Variants in EXOC6B observed in about 807,000 individuals in gnomAD.
EXOC6B encodes SEC15 homolog B.
Under a neutral mutation model 113.5 loss-of-function variants are expected in EXOC6B, and 54 were observed. That is an observed-to-expected ratio of 0.48 (90% CI 0.38 to 0.60). The LOEUF (loss-of-function observed/expected upper bound fraction) is 0.60, where lower values mean the gene tolerates loss of function less well. EXOC6B is among the 20% of genes least tolerant of loss of function. The pLI, the probability that EXOC6B is intolerant of heterozygous loss-of-function variation, is 0.00. For missense variants in EXOC6B, 797 were observed against 977.5 expected, an observed-to-expected ratio of 0.82 and a Z score of 2.46; for synonymous variants, 357 against 339.0, an observed-to-expected ratio of 1.05 and a Z score of -0.58.
intron 6 of EXOC6B, among the ~76,000 whole-genome samples, chr2:72,583,216 C>T (rs771516331): frequency 1.3e-5 from 2 of 152,066 alleles, no homozygotes; most frequent in African/African-American, 2.4e-5. Flanking sequence ...GTAAAACAAC[C>T]AAACCTATGA....
intron 18 of EXOC6B, among the ~76,000 whole-genome samples, chr2:72,415,817 A>T (rs1344376836): frequency 6.6e-6 from 1 of 152,136 alleles, no homozygotes; most frequent in Non-Finnish European, 1.5e-5. Context: ...GCAGTAATGG[A>T]TTTATTTACA....
intron 8 of EXOC6B, among the ~76,000 whole-genome samples, chr2:72,553,809 C>T (rs1336337553): frequency 1.3e-5 from 2 of 152,006 alleles, no homozygotes; most frequent in African/African-American, 4.8e-5. Context: ...TAAGCTTGTA[C>T]TAACTTGTTA....
At position 72,495,416 on chromosome 2, in the gene EXOC6B, A is replaced by G; in HGVS notation, c.1553+14T>C. ...TCTTAGCATTGGTTACATTTCTACT[A>G]TTTTGTATTATACCTTAGATGAAGA... On this transcript the variant is annotated intron_variant, in intron 15 of 21. Transcript: ENST00000272427. The G allele has an allele frequency of 7.4e-7, 1 of 1,355,952 alleles. No homozygotes were observed. Among genetic ancestry groups the G allele is most frequent in the East Asian group, 2.3e-5 (1 of 42,936 alleles). The allele number at this position is 1,355,952 out of a possible 1,614,324, so 84.0% of individuals were successfully genotyped here.
chr2:72,619,726 AG>A (rs1671630287), intron 6 of EXOC6B, among the ~76,000 whole-genome samples: 1 of 152,328 alleles, frequency 6.6e-6, no homozygotes, highest in African/African-American at 2.4e-5. Context: ...TCCTATGAAA[AG>A]GGTAAGTGAG....
At chr2:72,456,526 GCAAT>G (rs1040981973) in intron 18 of EXOC6B, among the ~76,000 whole-genome samples, 7 of 152,142 alleles carry the variant, frequency 4.6e-5, no homozygotes, top group African/African-American at 1.7e-4. Context: ...TCCATAGTTG[GCAAT>G]CAATCTAATA....
At chr2:72,533,611 C>T (rs1702131439) in intron 8 of EXOC6B, among the ~76,000 whole-genome samples, 1 of 152,118 alleles carries the variant, frequency 6.6e-6, no homozygotes, top group Admixed American at 6.6e-5. Flanking sequence ...TGTCTTTCTC[C>T]AGGTCCTTGT....
In EXOC6B at chr2:72,379,710, G is replaced by A. The variant is rs778934823; in HGVS notation, c.2122+19C>T. On this transcript the variant is annotated intron_variant, in intron 19 of 21. Transcript: ENST00000272427. ...TTTGCTGGTAAGATAAACAAGCACAGGGATGGTCACTGTCTTACGTTCACA... is the reference window on the plus strand; with the variant it reads ...TTTGCTGGTAAGATAAACAAGCACAAGGATGGTCACTGTCTTACGTTCACA... 77 of 1,597,150 alleles carry A rather than the reference G, an allele frequency of 4.8e-5. No homozygotes were observed. The highest frequency in any genetic ancestry group is 6.4e-5 in the Non-Finnish European group (75 of 1,169,568).
At chr2:72,824,499 G>A (rs1686782219) in intron 1 of EXOC6B, among the ~76,000 whole-genome samples, 2 of 152,182 alleles carry the variant, frequency 1.3e-5, no homozygotes, top group Admixed American at 1.3e-4. Flanking sequence ...GGGTGGTACT[G>A]GCAGAAATGT....
At chr2:72,249,457 G>A (rs1180142453) in intron 20 of EXOC6B, among the ~76,000 whole-genome samples, 10 of 151,670 alleles carry the variant, frequency 6.6e-5, no homozygotes, top group South Asian at 2.1e-4. Context: ...GGGTTTCACC[G>A]TGTTAGCCAG....
chr2:72,576,282 ATAAAGGGTTT>A (rs1399105450), intron 6 of EXOC6B, among the ~76,000 whole-genome samples: 2 of 152,102 alleles, frequency 1.3e-5, no homozygotes, highest in Admixed American at 6.6e-5. Flanking sequence ...AAGCAGGGTT[ATAAAGGGTTT>A]TAAAGGGTTT....
chr2:72,698,713 T>C (rs945812033), intron 6 of EXOC6B, among the ~76,000 whole-genome samples: 3 of 152,192 alleles, frequency 2.0e-5, no homozygotes, highest in African/African-American at 7.2e-5. Context: ...AAATGAAATA[T>C]AGGTCAATTT....
At chr2:72,540,358 C>CA in intron 8 of EXOC6B, among the ~76,000 whole-genome samples, 1 of 151,708 alleles carries the variant, frequency 6.6e-6, no homozygotes, top group East Asian at 1.9e-4. Context: ...AGGAGAGTAC[C>CA]AAAAAAACTC....
chr2:72,537,453 CAAAA>C (rs74620661), intron 8 of EXOC6B, among the ~76,000 whole-genome samples: 5 of 74,196 alleles, frequency 6.7e-5, no homozygotes, highest in African/African-American at 2.3e-4. Context: ...ACAAAAAATA[CAAAA>C]AAAAAAAAAA....
intron 6 of EXOC6B, among the ~76,000 whole-genome samples, chr2:72,650,660 G>A (rs549515166): frequency 6.6e-6 from 1 of 151,304 alleles, no homozygotes; most frequent in Admixed American, 6.6e-5. Flanking sequence ...AAGAAAAGAG[G>A]TAAAAGACAT....
intron 20 of EXOC6B, among the ~76,000 whole-genome samples, chr2:72,226,452 G>C (rs765800055): frequency 6.6e-6 from 1 of 152,088 alleles, no homozygotes; most frequent in Non-Finnish European, 1.5e-5. Context: ...AAAAAACAGA[G>C]CGAAAAAGAC....
rs570406356 is a variant in EXOC6B, at chr2:72,653,606, C to A, written c.669+64497G>T. ...AAAAAATATTGCCAGCAACCCCCCC[C>A]CAAAAAGAAAGAAAGAAAGAAAATA... On this transcript the variant is annotated intron_variant, in intron 6 of 21. Transcript: ENST00000272427. Among the ~76,000 whole-genome samples, 26 of 145,588 alleles carry A rather than the reference C, an allele frequency of 1.8e-4. 2 individuals carry two copies. Among genetic ancestry groups the A allele is most frequent in the Middle Eastern group, 3.5e-3 (1 of 284 alleles).
At chr2:72,554,510 A>AT (rs1703423604) in intron 8 of EXOC6B, among the ~76,000 whole-genome samples, 1 of 151,944 alleles carries the variant, frequency 6.6e-6, no homozygotes, top group Non-Finnish European at 1.5e-5. Flanking sequence ...TAAAATGGCA[A>AT]TTTTTCCTGT....
At chr2:72,275,132 C>T (rs769632927) in intron 20 of EXOC6B, among the ~76,000 whole-genome samples, 3 of 152,030 alleles carry the variant, frequency 2.0e-5, no homozygotes, top group African/African-American at 7.2e-5. Flanking sequence ...TCAATTTCGT[C>T]GATTATGTGA....
intron 18 of EXOC6B, among the ~76,000 whole-genome samples, chr2:72,428,214 T>G (rs1314392128): frequency 6.6e-6 from 1 of 152,194 alleles, no homozygotes; most frequent in Non-Finnish European, 1.5e-5. Flanking sequence ...AAAAGAGCTG[T>G]AACACAAACA....
Sources: allele counts gnomAD v4.1 joint callset (sites outside exome capture counted in the v4.1 genomes callset), GRCh38; gene constraint gnomAD v4.1.1; transcripts MANE v1.5; gene names NCBI Gene and HGNC (gene_info 2026-07-23, HGNC 2026-07-21).